Variants in FRS2 observed in about 807,000 individuals in gnomAD.
The protein encoded by FRS2 is FGFR signalling adaptor.
A neutral mutation model predicts 43.9 loss-of-function variants in FRS2; 8 were observed. The observed-to-expected ratio is 0.18, with a 90% confidence interval of 0.11 to 0.33. The LOEUF is 0.33. Among genes scored for constraint, FRS2 ranks in the 10% least tolerant of loss-of-function variants. The pLI, the probability that FRS2 is intolerant of heterozygous loss-of-function variation, is 1.00. For synonymous variants in FRS2, 219 were observed against 220.3 expected (o/e 0.99, Z 0.05); for missense variants, 534 against 627.6 (o/e 0.85, Z 1.59).
At chr12:69,552,308 A>G (rs1878956345) in intron 3 of FRS2, among the ~76,000 whole-genome samples, 1 of 150,314 alleles carries the variant, frequency 6.7e-6, no homozygotes, top group African/African-American at 2.5e-5. Context: ...GTCTCAAAAA[A>G]AAAAAAAAAA....
At chr12:69,505,502 TTTTGA>T (rs1873845626) in intron 1 of FRS2, among the ~76,000 whole-genome samples, 1 of 152,210 alleles carries the variant, frequency 6.6e-6, no homozygotes, top group South Asian at 2.1e-4. Context: ...GTTCCACAAG[TTTTGA>T]TTTATTATTT....
chr12:69,508,391 G>A (rs925320920), intron 1 of FRS2, among the ~76,000 whole-genome samples: 1 of 152,130 alleles, frequency 6.6e-6, no homozygotes, highest in Admixed American at 6.5e-5. Flanking sequence ...CATTCCCAAA[G>A]TATTTCTCTA....
chr12:69,542,317 G>A (rs989579697), intron 3 of FRS2, among the ~76,000 whole-genome samples: 1 of 152,076 alleles, frequency 6.6e-6, no homozygotes, highest in Non-Finnish European at 1.5e-5. Flanking sequence ...ATAGTTGGTC[G>A]TTCGTATCCA....
intron 1 of FRS2, among the ~76,000 whole-genome samples, chr12:69,496,720 A>C (rs2121023515): frequency 6.6e-6 from 1 of 152,334 alleles, no homozygotes; most frequent in Middle Eastern, 3.4e-3. Flanking sequence ...TTTTTGCCTA[A>C]GGTAACTTTT....
intron 3 of FRS2, among the ~76,000 whole-genome samples, chr12:69,534,492 C>T (rs1023242311): frequency 6.6e-6 from 1 of 152,168 alleles, no homozygotes; most frequent in Admixed American, 6.6e-5. Context: ...CCTCTCTCCC[C>T]CAATTTGAAG....
At chr12:69,538,783 T>G (rs1308290777) in intron 3 of FRS2, among the ~76,000 whole-genome samples, 2 of 152,188 alleles carry the variant, frequency 1.3e-5, no homozygotes, top group African/African-American at 4.8e-5. Flanking sequence ...AGATGCATTA[T>G]TTTCAAAACA....
chr12:69,476,337 C>T (rs1442535231), intron 1 of FRS2, among the ~76,000 whole-genome samples: 9 of 152,170 alleles, frequency 5.9e-5, no homozygotes, highest in African/African-American at 1.9e-4. Context: ...GACTGTGTTT[C>T]TCAACCAGAG....
At chr12:69,470,626 G>A (rs1389564502) in intron 1 of FRS2, 96 bp downstream of exon 1, 1 of 396,492 alleles carries the variant, frequency 2.5e-6, no homozygotes, top group African/African-American at 2.1e-5. Context: ...CCGGGCTGAG[G>A]GCTCGGCTGC....
chr12:69,520,272 A>T (rs954376050), intron 1 of FRS2, among the ~76,000 whole-genome samples: 2 of 151,288 alleles, frequency 1.3e-5, no homozygotes, highest in Non-Finnish European at 2.9e-5. Flanking sequence ...TCTTGAAAAT[A>T]TGTTTAAGTT....
At chr12:69,511,938 T>G (rs1324899077) in intron 1 of FRS2, among the ~76,000 whole-genome samples, 2 of 152,218 alleles carry the variant, frequency 1.3e-5, no homozygotes, top group African/African-American at 4.8e-5. Flanking sequence ...CTCTGCAGCT[T>G]TTGTTCAGTC....
intron 7 of FRS2, 83 bp from the exon 8 acceptor site, chr12:69,572,035 C>G (rs1251384983): frequency 2.0e-6 from 2 of 1,007,534 alleles, no homozygotes; most frequent in East Asian, 2.5e-5. Context: ...CTCCTATAAT[C>G]CTCAGTACAG....
At chr12:69,548,005 TCTGG>T (rs1243304882) in intron 3 of FRS2, among the ~76,000 whole-genome samples, 3 of 151,872 alleles carry the variant, frequency 2.0e-5, no homozygotes, top group Non-Finnish European at 4.4e-5. Context: ...TACCACCACA[TCTGG>T]CTAAGTTTTT....
chr12:69,561,078 T>C (rs35797828), intron 3 of FRS2, among the ~76,000 whole-genome samples: 8,364 of 152,232 alleles, frequency 0.055, 582 homozygotes, highest in East Asian at 0.38. Context: ...AAAGAGAGTA[T>C]ATATTCACCT....
chr12:69,476,825 A>G (rs1870832724), intron 1 of FRS2, among the ~76,000 whole-genome samples: 1 of 152,044 alleles, frequency 6.6e-6, no homozygotes, highest in Non-Finnish European at 1.5e-5. Flanking sequence ...AAGGCTTAAC[A>G]TTTGTTTCTT....
chr12:69,489,816 G>T lies in FRS2; in HGVS notation c.-261+19286G>T, dbSNP rs532250968. Reference sequence around the variant, plus strand: ...CTGTACCTTTTGTGAAGTTTTTGGGGTTTTTTTTTTTGGCTTTTCTGGGGG... The same window carrying T: ...CTGTACCTTTTGTGAAGTTTTTGGGTTTTTTTTTTTTGGCTTTTCTGGGGG... On this transcript the variant is annotated intron_variant, in intron 1 of 8. Coordinates refer to ENST00000549921, the MANE Select transcript of FRS2 (RefSeq NM_001278356.2). Among the ~76,000 whole-genome samples the T allele has an allele frequency of 7.6e-5, 11 of 144,758 alleles. No homozygotes were observed. The South Asian group carries it at 8.7e-4, about 11-fold the overall frequency. The allele number at this position is 144,758 out of a possible 152,430, so 95.0% of individuals were successfully genotyped here.
intron 3 of FRS2, among the ~76,000 whole-genome samples, chr12:69,559,819 AAC>A (rs1442027116): frequency 1.3e-5 from 2 of 151,606 alleles, no homozygotes; most frequent in African/African-American, 4.8e-5. Flanking sequence ...CCGTGGACAC[AAC>A]ACAGTTTTTG....
At chr12:69,493,263 A>G (rs753195790) in intron 1 of FRS2, among the ~76,000 whole-genome samples, 1 of 152,220 alleles carries the variant, frequency 6.6e-6, no homozygotes, top group African/African-American at 2.4e-5. Context: ...AGCAAAGTAT[A>G]CAGACATTTG....
chr12:69,513,822 A>G (rs11177699), intron 1 of FRS2, among the ~76,000 whole-genome samples: 29,992 of 152,038 alleles, frequency 0.2, 3,143 homozygotes, highest in Middle Eastern at 0.3. Context: ...ATCATTTGTT[A>G]CCTCAATGAA....
At position 69,472,447 on chromosome 12, in the gene FRS2, G is replaced by C. The variant is rs73339691; in HGVS notation, c.-261+1917G>C. Among the ~76,000 whole-genome samples the C allele has an allele frequency of 6.7e-3, 1,016 of 152,146 alleles. 6 individuals carry two copies. Among genetic ancestry groups the C allele is most frequent in the African/African-American group, 0.024 (976 of 41,488 alleles). ...AACTGTAGCTTCTTCCACATGTGAA[G>C]TACTTAATTATTTAGAGCATAAGAT... On this transcript the variant is annotated intron_variant, in intron 1 of 8. Coordinates refer to ENST00000549921, the MANE Select transcript of FRS2 (RefSeq NM_001278356.2).
Sources: allele counts gnomAD v4.1 joint callset (sites outside exome capture counted in the v4.1 genomes callset), GRCh38; gene constraint gnomAD v4.1.1; transcripts MANE v1.5; gene names NCBI Gene and HGNC (gene_info 2026-07-23, HGNC 2026-07-21).